TIAM2: variants seen among roughly 807,000 people sequenced by gnomAD.
TIAM2 encodes rho guanine nucleotide exchange factor TIAM2.
In TIAM2, 80 loss-of-function variants were observed where a neutral mutation model predicts 152.9. The observed-to-expected ratio is 0.52, with a 90% CI of 0.44 to 0.63. The LOEUF (loss-of-function observed/expected upper bound fraction) is 0.63, where lower values mean the gene tolerates loss of function less well. TIAM2 is among the 30% of genes least tolerant of loss of function. The pLI, the probability that TIAM2 is intolerant of heterozygous loss-of-function variation, is 0.00. For missense variants in TIAM2, 1,965 were observed against 2,120.1 expected (o/e 0.93, Z 1.44); for synonymous variants, 804 against 838.0 (o/e 0.96, Z 0.70).
chr6:155,106,802 A>G (rs1405403639), intron 2 of TIAM2, among the ~76,000 whole-genome samples: 2 of 152,252 alleles, frequency 1.3e-5, no homozygotes, highest in Non-Finnish European at 2.9e-5. Context: ...ACAACAGCCC[A>G]GTCATGGGCG....
chr6:155,205,015 C>G (rs1301997977), intron 14 of TIAM2, among the ~76,000 whole-genome samples: 2 of 151,920 alleles, frequency 1.3e-5, no homozygotes, highest in Admixed American at 6.6e-5. Flanking sequence ...CTCCTGAGAG[C>G]CCTTTTTATC....
At chr6:155,138,069 G>A (rs1167264941) in intron 5 of TIAM2, among the ~76,000 whole-genome samples, 1 of 152,188 alleles carries the variant, frequency 6.6e-6, no homozygotes, top group Non-Finnish European at 1.5e-5. Context: ...CATAACTCCT[G>A]ACCTCAAGCA....
intron 15 of TIAM2, among the ~76,000 whole-genome samples, chr6:155,219,987 A>G (rs1339797699): frequency 6.6e-6 from 1 of 152,236 alleles, no homozygotes; most frequent in African/African-American, 2.4e-5. Flanking sequence ...GGGATGAACA[A>G]CAGAGCGTGG....
intron 14 of TIAM2, among the ~76,000 whole-genome samples, chr6:155,198,896 A>G (rs1562351200): frequency 6.6e-6 from 1 of 152,000 alleles, no homozygotes; most frequent in Non-Finnish European, 1.5e-5. Context: ...GTGGTGGTGG[A>G]GAACCACATG....
intron 1 of TIAM2, among the ~76,000 whole-genome samples, chr6:154,998,181 G>A (rs1778253025): frequency 6.6e-6 from 1 of 152,124 alleles, no homozygotes; most frequent in Non-Finnish European, 1.5e-5. Flanking sequence ...GACTTTTCTA[G>A]CCACTCAGGT....
chr6:155,187,988 T>C (rs1343145565), intron 14 of TIAM2, among the ~76,000 whole-genome samples: 2 of 152,212 alleles, frequency 1.3e-5, no homozygotes, highest in African/African-American at 4.8e-5. Context: ...GCACTCCCGC[T>C]GCCCCTTGGC....
intron 1 of TIAM2, among the ~76,000 whole-genome samples, chr6:155,035,338 C>T (rs1051967368): frequency 6.6e-6 from 1 of 151,912 alleles, no homozygotes; most frequent in Non-Finnish European, 1.5e-5. Context: ...CCTCCTGCCT[C>T]AGCTTCCCGA....
rs909359144 is a variant in TIAM2 at position 155,187,736 on chromosome 6, G to A, written c.3064+4236G>A. Among the ~76,000 whole-genome samples the A allele has an allele frequency of 5.3e-5, 8 of 151,824 alleles. No homozygotes were observed. The South Asian group carries it at 1.0e-3, about 20-fold the overall frequency. ...TGGGATTACAGGCATGCACCACCAC[G>A]CCTGGCTAATTTTGTTTTTTTAGTA... On this transcript the variant is annotated intron_variant, in intron 14 of 26. Transcript: ENST00000682666.
Position 155,256,792 on chromosome 6 carries a change from C to CAGAG in TIAM2, c.4779_4782dup (p.Leu1595GlufsTer15). The CAGAG allele has an allele frequency of 6.2e-7, 1 of 1,614,202 alleles. No homozygotes were observed. Among genetic ancestry groups the CAGAG allele is most frequent in the Non-Finnish European group, 8.5e-7 (1 of 1,180,040 alleles). On this transcript the variant is annotated frameshift_variant, in exon 27 of 27. Coordinates refer to ENST00000682666, the MANE Select transcript of TIAM2 (RefSeq NM_012454.4). LOFTEE classifies it low-confidence loss of function (END_TRUNC). The stretch of plus-strand genomic sequence containing the variant: ...TACTAAAGACATCGAAATTCAGTTC[C>CAGAG]AGAGACTGAGGATTTCCGAGGACCC...
At chr6:155,195,442 T>C (rs922342435) in intron 14 of TIAM2, among the ~76,000 whole-genome samples, 6 of 152,206 alleles carry the variant, frequency 3.9e-5, no homozygotes, top group African/African-American at 1.4e-4. Context: ...CATTTTACTT[T>C]TCTCTGGTTT....
intron 1 of TIAM2, among the ~76,000 whole-genome samples, chr6:155,003,213 T>C (rs1778343751): frequency 6.6e-6 from 1 of 152,146 alleles, no homozygotes; most frequent in Non-Finnish European, 1.5e-5. Flanking sequence ...TAAAGGTTGA[T>C]CCGTTTTTTT....
intron 4 of TIAM2, among the ~76,000 whole-genome samples, chr6:155,131,733 C>T (rs916392479): frequency 6.6e-6 from 1 of 151,978 alleles, no homozygotes; most frequent in African/African-American, 2.4e-5. Context: ...GCGTGCACCA[C>T]CATGCCTGGC....
intron 1 of TIAM2, among the ~76,000 whole-genome samples, chr6:155,045,932 T>C (rs931209517): frequency 7.0e-6 from 1 of 142,462 alleles, no homozygotes; most frequent in African/African-American, 2.6e-5. Flanking sequence ...GCTTTAAGGG[T>C]TCTGTTTTAA....
rs1429060462 is a variant in TIAM2 at position 155,156,654 on chromosome 6, CAAAAT to C, written c.2029-7757_2029-7753del. Among the ~76,000 whole-genome samples the C allele has an allele frequency of 6.6e-6, 1 of 151,670 alleles. No homozygotes were observed. The highest frequency in any genetic ancestry group is 1.5e-5 in the Non-Finnish European group (1 of 67,960). On this transcript the variant is annotated intron_variant, in intron 7 of 26. Transcript: ENST00000682666. This position sits in a 1 kb window ranked among gnomAD's most constrained non-coding sequence, Gnocchi z 4.4. ...GCCTGGGCAACAGAGTGATATGTCT[CAAAAT>C]AAATAAATAAATAAATAAAGTAAAA...
rs566612162 is a variant in TIAM2 at position 155,122,524 on chromosome 6, AT to A, written c.-117-4954del. On this transcript the variant is annotated intron_variant, in intron 2 of 26. Coordinates refer to ENST00000682666, the MANE Select transcript of TIAM2 (RefSeq NM_012454.4). ...GAGGGAATGGAGAATGGATGGTAGG[AT>A]TTTTTTTTTTTGTTCTAGGTCCATG... Among the ~76,000 whole-genome samples, 187 of 140,998 alleles carry A rather than the reference AT, an allele frequency of 1.3e-3. 2 individuals are homozygous for A. Among genetic ancestry groups the A allele is most frequent in the African/African-American group, 1.8e-3 (66 of 36,432 alleles). The allele number at this position is 140,998 out of a possible 152,430, so 92.5% of individuals were successfully genotyped here.
At chr6:155,109,629 A>G (rs1484939403) in intron 2 of TIAM2, among the ~76,000 whole-genome samples, 1 of 152,208 alleles carries the variant, frequency 6.6e-6, no homozygotes, top group Non-Finnish European at 1.5e-5. Flanking sequence ...CTCAGGAAAC[A>G]TATTGAACAC....
rs765700396 is a variant in TIAM2 at position 155,182,288 on chromosome 6, G to A, written c.2770G>A (p.Val924Ile). Residue 924 changes from valine (V) to isoleucine (I), a missense_variant, in exon 13 of 27, where the codon GTT (valine) becomes ATT (isoleucine). This residue lies in a region of TIAM2 where 935 missense variants were observed against 980.0 expected (regional missense o/e 0.95). Transcript: ENST00000682666. Reference protein sequence around the residue: ...QHLSRIFISDVLPDGLAYGEG... With the variant: ...QHLSRIFISDILPDGLAYGEG... ...TCTCAGCCGGATATTTATAAGCGAC[G>A]TTCTTCCCGATGGCCTGGCGTATGG... 1.4e-5 allele frequency: 23 copies of A among 1,614,176 alleles called. No individual in the cohort carries two copies. Among genetic ancestry groups the A allele is most frequent in the East Asian group, 6.7e-5 (3 of 44,884 alleles).
chr6:155,170,616 A>G (rs775565650), intron 9 of TIAM2, among the ~76,000 whole-genome samples: 1 of 152,172 alleles, frequency 6.6e-6, no homozygotes, highest in Non-Finnish European at 1.5e-5. Context: ...AAAGAAAGTT[A>G]TGAAACTATA....
At position 155,213,366 on chromosome 6, in the gene TIAM2, G is replaced by A. The variant is rs1781768036; in HGVS notation, c.3168+2059G>A. Among the ~76,000 whole-genome samples the A allele has an allele frequency of 6.6e-6, 1 of 152,112 alleles. No individual in the cohort carries two copies. Among genetic ancestry groups the A allele is most frequent in the African/African-American group, 2.4e-5 (1 of 41,426 alleles). On this transcript the variant is annotated intron_variant, in intron 15 of 26. Coordinates refer to ENST00000682666, the MANE Select transcript of TIAM2 (RefSeq NM_012454.4). This position sits in a 1 kb window ranked among gnomAD's most constrained non-coding sequence, Gnocchi z 4.2. ...TCAGCAGAGAGCAGACCCTGGAGTG[G>A]GTAGCTCCTCTCCACAGCTGGTAGT...
Sources: gnomAD v4.1 joint callset for allele counts (sites outside exome capture counted in the v4.1 genomes callset) on GRCh38, gnomAD v4.1.1 for gene constraint, gnomAD v4.1.1 regional missense constraint, Gnocchi (gnomAD v3.1) non-coding constraint, MANE v1.5 for transcripts, NCBI Gene and HGNC (gene_info 2026-07-23, HGNC 2026-07-21) for gene names.